The following CCDC39 variants were observed in gnomAD, a reference collection of about 807,000 sequenced individuals.
CCDC39 encodes coiled-coil domain-containing protein 39.
A neutral mutation model predicts 121.0 loss-of-function variants in CCDC39; 113 were observed. The ratio of observed to expected loss-of-function variants is 0.93; its 90% confidence interval spans 0.80 to 1.09. The LOEUF (loss-of-function observed/expected upper bound fraction) is 1.09, where lower values mean the gene tolerates loss of function less well. Among genes scored for constraint, CCDC39 ranks in the 50% least tolerant of loss-of-function variants. CCDC39 has a pLI of 0.00. For synonymous variants in CCDC39, 349 were observed against 352.2 expected (o/e 0.99, Z 0.10); for missense variants, 1,063 against 1,074.7 (o/e 0.99, Z 0.15).
intron 9 of CCDC39, 87 bp downstream of exon 9, chr3:180,651,314 C>T: frequency 9.0e-7 from 1 of 1,106,926 alleles, no homozygotes; most frequent in Non-Finnish European, 1.3e-6. Flanking sequence ...CTTACAAGAC[C>T]TCCTCGTCCT....
intron 14 of CCDC39, among the ~76,000 whole-genome samples, chr3:180,629,812 A>G (rs1250382937): frequency 6.6e-6 from 1 of 152,208 alleles, no homozygotes; most frequent in Non-Finnish European, 1.5e-5. Flanking sequence ...GCCTCAGTTC[A>G]TTTAGCATAA....
chr3:180,639,300 G>T (rs1028862887), intron 13 of CCDC39, among the ~76,000 whole-genome samples: 2 of 152,154 alleles, frequency 1.3e-5, no homozygotes, highest in African/African-American at 4.8e-5. Flanking sequence ...ATCTTTGACA[G>T]TGTCTGTGGC....
At chr3:180,664,012 A>C in intron 1 of CCDC39, 26 bp from the exon 2 acceptor site, 2 of 1,596,080 alleles carry the variant, frequency 1.3e-6, no homozygotes, top group Non-Finnish European at 1.7e-6. Flanking sequence ...ACTATGATTA[A>C]CCAAAGTCCT....
In CCDC39 at chr3:180,616,300, G is replaced by T. The variant is rs1245757928; in HGVS notation, c.2650C>A (p.His884Asn). ...GSRQSSRSPS[H>N]TSLSARSSRS... ...GCTTACCTTGCTGATAGTGAAGTAT[G>T]TGAAGGAGATCTAGAGCTCTGACGA... is the stretch of plus-strand genomic sequence containing the variant. The change falls in exon 19 of 20, where the codon CAT becomes AAT. Residue 884 changes from histidine (H) to asparagine (N), a missense_variant. Coordinates refer to ENST00000476379, the MANE Select transcript of CCDC39 (RefSeq NM_181426.2). 2.5e-6 allele frequency: 4 copies of T among 1,613,330 alleles called. No homozygotes were observed. The Admixed American group carries it at 6.7e-5, about 27-fold the overall frequency.
At position 180,614,914 on chromosome 3, in the gene CCDC39, A is replaced by G. The variant is rs780168478; in HGVS notation, c.*7T>C. The G allele has an allele frequency of 2.6e-6, 4 of 1,553,512 alleles. No homozygotes were observed. Among genetic ancestry groups the G allele is most frequent in the Non-Finnish European group, 3.5e-6 (4 of 1,147,674 alleles). On this transcript the variant is annotated 3_prime_UTR_variant, in exon 20 of 20. Transcript: ENST00000476379. ...GTTTACAACTTTTTCAGAAGAGATT[A>G]AAATGTTTATTTGCTGCTCTTTTTG...
rs147573341 is a variant in CCDC39 at position 180,678,826 on chromosome 3, T to C, written c.90+465A>G. On this transcript the variant is annotated intron_variant, in intron 1 of 19. Transcript: ENST00000476379. ...TCCTCTTGAAAACATCTCAAGTCAC[T>C]TTCAGCTTTAAACATTACAGACAAA... Among the ~76,000 whole-genome samples the C allele has an allele frequency of 7.1e-3, 1,075 of 152,312 alleles. 4 individuals are homozygous for C. Among genetic ancestry groups the C allele is most frequent in the Non-Finnish European group, 9.5e-3 (648 of 68,020 alleles).
intron 14 of CCDC39, among the ~76,000 whole-genome samples, chr3:180,623,549 G>A (rs1431204498): frequency 1.3e-5 from 2 of 151,858 alleles, no homozygotes; most frequent in Non-Finnish European, 2.9e-5. Context: ...GTGTTAGGTT[G>A]TTAATTGATG....
intron 12 of CCDC39, 78 bp from the exon 13 acceptor site, chr3:180,642,279 G>T: frequency 1.3e-6 from 1 of 781,490 alleles, no homozygotes; most frequent in Non-Finnish European, 1.9e-6. Context: ...TGCTATATAA[G>T]TAAAACTTGA....
At chr3:180,630,208 T>C (rs1174949735) in intron 14 of CCDC39, among the ~76,000 whole-genome samples, 1 of 152,106 alleles carries the variant, frequency 6.6e-6, no homozygotes, top group African/African-American at 2.4e-5. Flanking sequence ...AATTGCAACA[T>C]CTTCCGATTT....
chr3:180,679,483 A>C lies in CCDC39; in HGVS notation c.-103T>G, dbSNP rs1576958658. ...CCAGGCACCTGCACAGTGCCGCGGCAATTGCCGGGGGAGCCCTAGCAACCT... is the reference window on the plus strand; with the variant it reads ...CCAGGCACCTGCACAGTGCCGCGGCCATTGCCGGGGGAGCCCTAGCAACCT... On this transcript the variant is annotated 5_prime_UTR_variant, in exon 1 of 20. In the 5' UTR this introduces an upstream ATG that the reference lacks. Transcript: ENST00000476379. This position sits in a 1 kb window ranked among gnomAD's most constrained non-coding sequence, Gnocchi z 4.0. 1 of 1,105,436 alleles carries C rather than the reference A, an allele frequency of 9.0e-7. No individual in the cohort carries two copies. The highest frequency in any genetic ancestry group is 1.5e-5 in the African/African-American group (1 of 64,698). 68.5% of individuals were successfully genotyped at this position (1,105,436 alleles called of 1,614,324 possible). A position where few individuals can be genotyped will look rare whatever the true frequency, so the allele number is the denominator to read the frequency against.
At chr3:180,634,240 T>C (rs1437133916) in intron 13 of CCDC39, among the ~76,000 whole-genome samples, 2 of 148,334 alleles carry the variant, frequency 1.3e-5, no homozygotes, top group East Asian at 4.3e-4. Context: ...CAAAAGCTTC[T>C]GCCACTGGCT....
chr3:180,672,244 T>TTA (rs1482936836), intron 1 of CCDC39, among the ~76,000 whole-genome samples: 6 of 152,144 alleles, frequency 3.9e-5, no homozygotes, highest in Non-Finnish European at 8.8e-5. Flanking sequence ...ACAACATGGT[T>TTA]TACTGAAAAT....
intron 1 of CCDC39, among the ~76,000 whole-genome samples, chr3:180,676,026 A>G (rs1434065702): frequency 6.6e-6 from 1 of 152,126 alleles, no homozygotes; most frequent in African/African-American, 2.4e-5. Context: ...TGTTAGACCT[A>G]AAACCATAAA....
chr3:180,662,153 A>G, intron 2 of CCDC39, 146 bp from the exon 3 acceptor site: 2 of 705,318 alleles, frequency 2.8e-6, no homozygotes, highest in South Asian at 4.1e-5. Context: ...TAAAATCTAC[A>G]TTACATTAGA....
intron 16 of CCDC39, 38 bp from the exon 17 acceptor site, chr3:180,617,004 G>C: frequency 9.1e-7 from 1 of 1,104,588 alleles, no homozygotes; most frequent in Non-Finnish European, 1.2e-6. Context: ...TTTAGAATCA[G>C]AAATTGACTT....
At chr3:180,629,461 C>G (rs928296479) in intron 14 of CCDC39, among the ~76,000 whole-genome samples, 1 of 152,128 alleles carries the variant, frequency 6.6e-6, no homozygotes, top group Non-Finnish European at 1.5e-5. Context: ...AATAGAGAGT[C>G]GAAGGTCTGC....
intron 1 of CCDC39, among the ~76,000 whole-genome samples, chr3:180,675,339 T>C (rs1712165578): frequency 6.6e-6 from 1 of 152,192 alleles, no homozygotes; most frequent in African/African-American, 2.4e-5. Context: ...CTCTTTATCA[T>C]TTTTTATTAC....
At chr3:180,652,897 C>G (rs1388190787) in intron 7 of CCDC39, among the ~76,000 whole-genome samples, 2 of 151,906 alleles carry the variant, frequency 1.3e-5, no homozygotes, top group Non-Finnish European at 2.9e-5. Flanking sequence ...GAAAACAATC[C>G]CATTTACAAT....
intron 14 of CCDC39, among the ~76,000 whole-genome samples, chr3:180,621,047 TTAAGA>T (rs1420765987): frequency 6.6e-6 from 1 of 152,128 alleles, no homozygotes; most frequent in East Asian, 1.9e-4. Context: ...GTTGTTTCTC[TTAAGA>T]TAAGGGCCTC....
Sources: gnomAD v4.1 joint callset for allele counts (sites outside exome capture counted in the v4.1 genomes callset) on GRCh38, gnomAD v4.1.1 for gene constraint, Gnocchi (gnomAD v3.1) non-coding constraint, MANE v1.5 for transcripts, NCBI Gene and HGNC (gene_info 2026-07-23, HGNC 2026-07-21) for gene names.